FRMD4B: variants seen among roughly 807,000 people sequenced by gnomAD.
FRMD4B encodes the protein FERM domain-containing protein 4B.
In FRMD4B, 74 loss-of-function variants were observed where a neutral mutation model predicts 141.5. That is an observed-to-expected ratio of 0.52 (90% CI 0.43 to 0.63). FRMD4B has a LOEUF of 0.63. Ranked by LOEUF, FRMD4B falls within the 30% of genes least tolerant of loss-of-function variation. FRMD4B has a pLI of 0.00. For missense variants in FRMD4B, 1,366 were observed against 1,253.4 expected, an observed-to-expected ratio of 1.09 and a Z score of -1.36; for synonymous variants, 506 against 467.9, an observed-to-expected ratio of 1.08 and a Z score of -1.05.
At chr3:69,434,400 C>G (rs1482762658) in intron 1 of FRMD4B, among the ~76,000 whole-genome samples, 1 of 152,164 alleles carries the variant, frequency 6.6e-6, no homozygotes, top group Non-Finnish European at 1.5e-5. Context: ...GAAACCAAGT[C>G]AGGGAAATAG....
At chr3:69,409,477 C>T (rs1704716437) in intron 2 of FRMD4B, among the ~76,000 whole-genome samples, 1 of 152,202 alleles carries the variant, frequency 6.6e-6, no homozygotes, top group African/African-American at 2.4e-5. Context: ...TGAGCTACTT[C>T]CCAGTCACCT....
At chr3:69,269,389 C>A (rs541675353) in intron 5 of FRMD4B, among the ~76,000 whole-genome samples, 2 of 151,890 alleles carry the variant, frequency 1.3e-5, no homozygotes, top group African/African-American at 2.4e-5. Flanking sequence ...ATCACCCTCC[C>A]CCTTCATAGG....
At chr3:69,514,686 T>TAAATAAA (rs552059195) in intron 1 of FRMD4B, among the ~76,000 whole-genome samples, 7 of 143,068 alleles carry the variant, frequency 4.9e-5, no homozygotes, top group African/African-American at 1.0e-4. Context: ...AGACTCCATC[T>TAAATAAA]TAAATAAATA....
chr3:69,322,242 C>T (rs1400093005), intron 1 of FRMD4B, among the ~76,000 whole-genome samples: 1 of 152,156 alleles, frequency 6.6e-6, no homozygotes, highest in East Asian at 1.9e-4. Context: ...TTTTATATTT[C>T]ACCCTAATGA....
intron 1 of FRMD4B, among the ~76,000 whole-genome samples, chr3:69,439,946 T>C (rs878873246): frequency 2.6e-4 from 40 of 152,336 alleles, no homozygotes; most frequent in African/African-American, 8.9e-4. Flanking sequence ...TTTCCCTTTT[T>C]GATTTGTAGG....
chr3:69,389,461 C>T (rs1369273527), upstream of FRMD4B, among the ~76,000 whole-genome samples: 2 of 152,176 alleles, frequency 1.3e-5, no homozygotes, highest in Non-Finnish European at 2.9e-5. Flanking sequence ...AACTTGTTTT[C>T]AGGGAGCAGT....
At chr3:69,485,193 G>A (rs187639599) in intron 1 of FRMD4B, among the ~76,000 whole-genome samples, 39 of 152,354 alleles carry the variant, frequency 2.6e-4, no homozygotes, top group African/African-American at 4.6e-4. Context: ...GCACACACCC[G>A]GCTGGGCTGT....
intron 1 of FRMD4B, among the ~76,000 whole-genome samples, chr3:69,346,947 C>T (rs1212865815): frequency 6.6e-6 from 1 of 152,170 alleles, no homozygotes; most frequent in Non-Finnish European, 1.5e-5. Flanking sequence ...AACCAGCTAA[C>T]ATCATAATGA....
At chr3:69,343,518 C>G (rs1229868155) in intron 1 of FRMD4B, among the ~76,000 whole-genome samples, 6 of 151,138 alleles carry the variant, frequency 4.0e-5, no homozygotes, top group Non-Finnish European at 7.4e-5. Context: ...ATCTCTTGAC[C>G]TAAAAATCAT....
At chr3:69,242,023 TCA>T (rs1225856198) in intron 7 of FRMD4B, among the ~76,000 whole-genome samples, 1 of 152,204 alleles carries the variant, frequency 6.6e-6, no homozygotes, top group Non-Finnish European at 1.5e-5. Context: ...GCTACAAATC[TCA>T]GTTTTCCTAT....
rs1170675639 is a variant in FRMD4B at position 69,265,254 on chromosome 3, C to CAA, written c.502-15157_502-15156dup. ...TGGGCAACACAGCGAGACTCCATCT[C>CAA]AAAAAAAAAAAAAAAATATATATAT... On this transcript the variant is annotated intron_variant, in intron 5 of 22. Transcript: ENST00000398540. Among the ~76,000 whole-genome samples, 19 of 8,414 alleles carry CAA rather than the reference C, an allele frequency of 2.3e-3. 2 individuals carry two copies. Among genetic ancestry groups the CAA allele is most frequent in the African/African-American group, 7.5e-3 (14 of 1,862 alleles). 5.5% of individuals were successfully genotyped at this position (8,414 alleles called of 152,430 possible). A position where few individuals can be genotyped will look rare whatever the true frequency, so the allele number is the denominator to read the frequency against.
chr3:69,535,574 C>T (rs1701071476), intron 1 of FRMD4B: 1 of 169,850 alleles, frequency 5.9e-6, no homozygotes, highest in East Asian at 1.8e-4. Flanking sequence ...TGATAAATAG[C>T]TTACAATGAA....
intron 11 of FRMD4B, among the ~76,000 whole-genome samples, chr3:69,212,045 G>GAAA (rs1212467337): frequency 5.3e-5 from 8 of 150,580 alleles, no homozygotes; most frequent in African/African-American, 1.7e-4. Context: ...AAAAAAAAAC[G>GAAA]GAGAAAGAGA....
At position 69,384,389 on chromosome 3, in the gene FRMD4B, C is replaced by T. The variant is rs545205966; in HGVS notation, c.162+1439G>A. 7.2e-5 allele frequency among the ~76,000 whole-genome samples: 11 copies of T among 152,128 alleles called. No homozygotes were observed. The East Asian group carries it at 2.1e-3, about 29-fold the overall frequency. ...CTGGTTGGCTACAATATTTGCGTTC[C>T]CTTTTTGAAAGTTTCTCAAACACTA... is the stretch of plus-strand genomic sequence containing the variant. On this transcript the variant is annotated intron_variant, in intron 1 of 22. Transcript: ENST00000398540.
chr3:69,198,580 G>C (rs1050616196), intron 12 of FRMD4B, 118 bp downstream of exon 12: 1 of 647,522 alleles, frequency 1.5e-6, no homozygotes, highest in Admixed American at 2.7e-5. Context: ...TCCATTCCTA[G>C]GTATACACCC....
intron 5 of FRMD4B, among the ~76,000 whole-genome samples, chr3:69,262,159 G>A (rs2093531451): frequency 1.3e-5 from 2 of 152,100 alleles, no homozygotes; most frequent in South Asian, 4.1e-4. Context: ...TAGAGATGGG[G>A]TTTCACCATG....
chr3:69,345,351 G>T (rs1702899217), intron 1 of FRMD4B, among the ~76,000 whole-genome samples: 1 of 152,190 alleles, frequency 6.6e-6, no homozygotes, highest in Non-Finnish European at 1.5e-5. Flanking sequence ...GCTCGAACTG[G>T]GTGGAGCCCA....
At chr3:69,337,805 C>A (rs1398136193) in intron 1 of FRMD4B, among the ~76,000 whole-genome samples, 1 of 152,178 alleles carries the variant, frequency 6.6e-6, no homozygotes, top group Non-Finnish European at 1.5e-5. Flanking sequence ...AGTCAGGAAA[C>A]AACAGGTGCT....
At chr3:69,287,517 T>C (rs1323286704) in intron 5 of FRMD4B, 13 of 515,536 alleles carry the variant, frequency 2.5e-5, no homozygotes, top group Non-Finnish European at 4.2e-5. Context: ...TTTAAAGTAG[T>C]AGTGATTGTG....
Sources: gnomAD v4.1 joint callset for allele counts (sites outside exome capture counted in the v4.1 genomes callset) on GRCh38, gnomAD v4.1.1 for gene constraint, MANE v1.5 for transcripts, NCBI Gene and HGNC (gene_info 2026-07-23, HGNC 2026-07-21) for gene names.